The following PCGF3 variants were observed in gnomAD, a reference collection of about 807,000 sequenced individuals.
The protein encoded by PCGF3 is polycomb group RING finger protein 3.
In PCGF3, 7 loss-of-function variants were observed where a neutral mutation model predicts 33.1. The ratio of observed to expected loss-of-function variants is 0.21; its 90% confidence interval spans 0.12 to 0.40. The LOEUF (loss-of-function observed/expected upper bound fraction) is 0.40. Among genes scored for constraint, PCGF3 ranks in the 10% least tolerant of loss-of-function variants. The pLI, the probability that PCGF3 is intolerant of heterozygous loss-of-function variation, is 1.00. For missense variants in PCGF3, 211 were observed against 313.3 expected, an observed-to-expected ratio of 0.67 and a Z score of 2.46; for synonymous variants, 153 against 121.3, an observed-to-expected ratio of 1.26 and a Z score of -1.72.
intron 8 of PCGF3, among the ~76,000 whole-genome samples, chr4:753,818 G>T (rs1744641958): frequency 6.6e-6 from 1 of 151,508 alleles, no homozygotes; most frequent in Admixed American, 6.6e-5. Context: ...CATGGTGGTG[G>T]GTGCCTGTAA....
At chr4:719,344 A>C (rs923520860) in intron 1 of PCGF3, among the ~76,000 whole-genome samples, 39 of 152,244 alleles carry the variant, frequency 2.6e-4, no homozygotes, top group African/African-American at 9.4e-4. Context: ...GGTCGTCTCC[A>C]GCGGGAAGGA....
At position 720,163 on chromosome 4, in the gene PCGF3, C is replaced by T. The variant is rs917657346; in HGVS notation, c.-189-10467C>T. 1.3e-5 allele frequency among the ~76,000 whole-genome samples: 2 copies of T among 152,160 alleles called. No individual in the cohort carries two copies. Among genetic ancestry groups the T allele is most frequent in the African/African-American group, 4.8e-5 (2 of 41,430 alleles). On this transcript the variant is annotated intron_variant, in intron 1 of 10. Coordinates refer to ENST00000362003, the Ensembl canonical transcript of PCGF3. This position sits in a 1 kb window ranked among gnomAD's most constrained non-coding sequence, Gnocchi z 5.6. Reference sequence around the variant, plus strand: ...ACGTGCTGTCGCCTCATGAGGACGCCGATGTGGCCCTGCTGCCGGAGTATG... The same window carrying T: ...ACGTGCTGTCGCCTCATGAGGACGCTGATGTGGCCCTGCTGCCGGAGTATG...
At position 717,039 on chromosome 4, in the gene PCGF3, G is replaced by A. The variant is rs111796132; in HGVS notation, c.-190+11069G>A. Among the ~76,000 whole-genome samples the A allele has an allele frequency of 2.1e-4, 31 of 147,352 alleles. 2 individuals are homozygous for A. The highest frequency in any genetic ancestry group is 7.6e-4 in the African/African-American group (30 of 39,430). ...TGCTGGGACCCTGTAGACACTGAGG[G>A]TGAGAACTGGGCGTCGGTGCTGGGA... On this transcript the variant is annotated intron_variant, in intron 1 of 10. Coordinates refer to ENST00000362003, the Ensembl canonical transcript of PCGF3.
chr4:751,676 A>G (rs1744520142), intron 8 of PCGF3, among the ~76,000 whole-genome samples: 2 of 150,906 alleles, frequency 1.3e-5, no homozygotes, highest in African/African-American at 4.9e-5. Context: ...TTCTGCTCTC[A>G]GCCTTGTGCC....
chr4:714,715 G>C (rs1742733296), intron 1 of PCGF3, among the ~76,000 whole-genome samples: 1 of 152,214 alleles, frequency 6.6e-6, no homozygotes, highest in South Asian at 2.1e-4. Context: ...TGCCAGGCCA[G>C]CGGAGACATA....
chr4:741,211 T>C (rs1245297768), intron 6 of PCGF3, among the ~76,000 whole-genome samples: 1 of 152,216 alleles, frequency 6.6e-6, no homozygotes, highest in East Asian at 1.9e-4. Context: ...GTTTACAAAA[T>C]GCTGAAAATT....
chr4:765,545 GA>G (rs200490068), intron 10 of PCGF3, among the ~76,000 whole-genome samples: 1 of 152,232 alleles, frequency 6.6e-6, no homozygotes, highest in Non-Finnish European at 1.5e-5. Context: ...GCTGAGCTGC[GA>G]AGGGCACAGG....
chr4:712,517 G>C (rs1308016592), intron 1 of PCGF3, among the ~76,000 whole-genome samples: 1 of 152,124 alleles, frequency 6.6e-6, no homozygotes, highest in African/African-American at 2.4e-5. Context: ...GCGCGATCTC[G>C]GCTCACTGCA....
At chr4:723,291 G>A (rs999887157) in intron 1 of PCGF3, among the ~76,000 whole-genome samples, 13 of 152,272 alleles carry the variant, frequency 8.5e-5, no homozygotes, top group African/African-American at 2.9e-4. Flanking sequence ...GTGACCTTGA[G>A]GTCCACCGGG....
chr4:726,146 C>T (rs529812735), intron 1 of PCGF3, among the ~76,000 whole-genome samples: 16 of 152,340 alleles, frequency 1.1e-4, no homozygotes, highest in Non-Finnish European at 1.5e-4. Context: ...GCGCTGCGGC[C>T]GTGGCTTCTG....
At chr4:752,730 C>T (rs559035704) in intron 8 of PCGF3, among the ~76,000 whole-genome samples, 9 of 152,322 alleles carry the variant, frequency 5.9e-5, no homozygotes, top group East Asian at 3.9e-4. Context: ...TCCAGGCCCC[C>T]GGGGTCTTCC....
At chr4:707,887 C>T (rs1184559421) in intron 1 of PCGF3, among the ~76,000 whole-genome samples, 1 of 112,672 alleles carries the variant, frequency 8.9e-6, no homozygotes, top group Non-Finnish European at 2.0e-5. Flanking sequence ...GGGTCGGGAC[C>T]CTGAGACAGC....
At chr4:735,093 G>A in intron 5 of PCGF3, 66 bp downstream of exon 5, 1 of 1,521,708 alleles carries the variant, frequency 6.6e-7, no homozygotes, top group South Asian at 1.2e-5. Context: ...CTGTGTGTGG[G>A]CCTTCCCAGG....
intron 1 of PCGF3, among the ~76,000 whole-genome samples, chr4:711,699 C>T (rs532196679): frequency 2.0e-5 from 3 of 151,748 alleles, no homozygotes; most frequent in South Asian, 2.1e-4. Context: ...CCTCATGATC[C>T]ACCCGCCTCG....
rs143689216 is a variant in PCGF3, at chr4:742,558, G to A, written c.263-916G>A. Among the ~76,000 whole-genome samples the A allele has an allele frequency of 5.4e-4, 82 of 152,316 alleles. No homozygotes were observed. In the South Asian group the frequency reaches 7.5e-3, roughly 14 times the overall value. On this transcript the variant is annotated intron_variant, in intron 6 of 10. Coordinates refer to ENST00000362003, the Ensembl canonical transcript of PCGF3. ...GTGTTCCCGAGCAGTGACCCACGTC[G>A]TCCACTGTGTCCCCTGGGTGTGAAC...
intron 8 of PCGF3, among the ~76,000 whole-genome samples, chr4:756,862 C>A (rs1431166279): frequency 6.6e-6 from 1 of 152,180 alleles, no homozygotes; most frequent in African/African-American, 2.4e-5. Flanking sequence ...CCATCTGAGA[C>A]TGCCATGGCG....
intron 8 of PCGF3, among the ~76,000 whole-genome samples, chr4:750,593 A>G (rs1256937984): frequency 2.0e-5 from 3 of 152,032 alleles, no homozygotes; most frequent in Non-Finnish European, 2.9e-5. Flanking sequence ...CGAGGTTTTT[A>G]TGAAGATTAA....
At chr4:712,222 G>A (rs534236277) in intron 1 of PCGF3, among the ~76,000 whole-genome samples, 5 of 152,212 alleles carry the variant, frequency 3.3e-5, no homozygotes, top group East Asian at 1.9e-4. Flanking sequence ...GATCTGCCAC[G>A]TTTCTCCCGA....
intron 6 of PCGF3, 109 bp from the exon 7 acceptor site, chr4:743,365 C>T: frequency 1.5e-6 from 1 of 681,376 alleles, no homozygotes; most frequent in South Asian, 1.8e-5. Flanking sequence ...TAGTAGCCTT[C>T]AAACTTCATA....
Sources: allele counts gnomAD v4.1 joint callset (sites outside exome capture counted in the v4.1 genomes callset), GRCh38; gene constraint gnomAD v4.1.1; non-coding constraint Gnocchi (gnomAD v3.1); transcripts MANE v1.5; gene names NCBI Gene and HGNC (gene_info 2026-07-23, HGNC 2026-07-21).